The following GOPC variants were observed in gnomAD, a reference collection of about 807,000 sequenced individuals.
GOPC encodes the protein golgi associated PDZ and coiled-coil motif containing.
A neutral mutation model predicts 51.2 loss-of-function variants in GOPC; 32 were observed. The observed-to-expected ratio is 0.63, with a 90% CI of 0.47 to 0.84. The LOEUF (loss-of-function observed/expected upper bound fraction) is 0.84, where lower values mean the gene tolerates loss of function less well. Among genes scored for constraint, GOPC ranks in the 40% least tolerant of loss-of-function variants. The pLI is 0.00. For synonymous variants in GOPC, 190 were observed against 205.1 expected (o/e 0.93, Z 0.63); for missense variants, 441 against 555.5 (o/e 0.79, Z 2.07).
At chr6:117,563,415 C>T in intron 8 of GOPC, 31 bp from the exon 9 acceptor site, 1 of 1,609,558 alleles carries the variant, frequency 6.2e-7, no homozygotes, top group Non-Finnish European at 8.5e-7. Context: ...AAAGCAGACA[C>T]TTTCTGGTTT....
chr6:117,587,840 T>C (rs781772636), intron 1 of GOPC, among the ~76,000 whole-genome samples: 1 of 151,996 alleles, frequency 6.6e-6, no homozygotes, highest in Non-Finnish European at 1.5e-5. Flanking sequence ...TTTGCTGCTA[T>C]GCACTTGTAG....
rs568822030 is a variant in GOPC, at chr6:117,566,905, TACC to T, written c.1204_1206del (p.Gly402del). 107 of 1,607,592 alleles carry T rather than the reference TACC, an allele frequency of 6.7e-5. No homozygotes were observed. The highest frequency in any genetic ancestry group is 9.0e-5 in the Non-Finnish European group (106 of 1,177,362). On this transcript the variant is annotated inframe_deletion, in exon 8 of 9. Transcript: ENST00000368498. ...GTGTCTTTGCAACTAGCACCAGGGT[TACC>T]ACCTCCTTCTAACTCATCAAGGTAC...
intron 1 of GOPC, among the ~76,000 whole-genome samples, chr6:117,598,604 G>A (rs1465001731): frequency 6.6e-6 from 1 of 152,106 alleles, no homozygotes; most frequent in Non-Finnish European, 1.5e-5. Flanking sequence ...CAGATACCTC[G>A]CATGTGCAGT....
chr6:117,568,999 T>C (rs1313380019), intron 7 of GOPC, among the ~76,000 whole-genome samples: 3 of 152,210 alleles, frequency 2.0e-5, no homozygotes, highest in Non-Finnish European at 4.4e-5. Context: ...ACATTTTAAG[T>C]ACAACTGTAT....
chr6:117,599,327 C>A (rs1397453517), intron 1 of GOPC, among the ~76,000 whole-genome samples: 1 of 152,124 alleles, frequency 6.6e-6, no homozygotes, highest in Admixed American at 6.5e-5. Context: ...CAAATTCAAT[C>A]CTTTTCCTAA....
intron 2 of GOPC, among the ~76,000 whole-genome samples, chr6:117,578,417 G>A (rs918642790): frequency 2.0e-5 from 3 of 152,070 alleles, no homozygotes; most frequent in African/African-American, 7.2e-5. Context: ...CCTGAGGATG[G>A]AAACCATAAG....
chr6:117,565,187 G>T (rs548348702), intron 8 of GOPC, among the ~76,000 whole-genome samples: 17 of 152,258 alleles, frequency 1.1e-4, no homozygotes, highest in African/African-American at 3.9e-4. Flanking sequence ...ATTCTAGTTA[G>T]AAGAGTAGCA....
chr6:117,569,712 T>C lies in GOPC; in HGVS notation c.937A>G (p.Ile313Val), dbSNP rs772757238. The C allele has an allele frequency of 1.2e-5, 19 of 1,602,854 alleles. No homozygotes were observed. Among genetic ancestry groups the C allele is most frequent in the Admixed American group, 7.0e-5 (4 of 57,046 alleles). The change falls in exon 7 of 9, where the codon ATC (isoleucine) becomes GTC (valine). Residue 313 changes from isoleucine to valine, a missense_variant. Around this residue, in one of 3 missense-constraint regions of GOPC, gnomAD observed 166 missense variants for 267.0 expected, o/e 0.62. Transcript: ENST00000368498. ...ITGGKEHGVP[I>V]LISEIHPGQP... is the part of the protein sequence containing the mutation. ...CCCGGATGGATCTCAGAGATGAGGA[T>C]TGGAACACCATGTTCTTTCCCACCC...
rs185709449 is a variant in GOPC at position 117,595,287 on chromosome 6, A to G, written c.285+6717T>C. On this transcript the variant is annotated intron_variant, in intron 1 of 8. Transcript: ENST00000368498. ...TACATAGAAGGTGGCTTCCAGAGAT[A>G]ACTGCTTAGGTCAAAAGGGAGTGCC... Among the ~76,000 whole-genome samples, 149 of 152,302 alleles carry G rather than the reference A, an allele frequency of 9.8e-4. 2 individuals carry two copies. Among genetic ancestry groups the G allele is most frequent in the Non-Finnish European group, 9.6e-4 (65 of 68,010 alleles).
At chr6:117,593,021 G>GT (rs2114627197) in intron 1 of GOPC, among the ~76,000 whole-genome samples, 1 of 152,238 alleles carries the variant, frequency 6.6e-6, no homozygotes, top group African/African-American at 2.4e-5. Flanking sequence ...TACTGTGCCT[G>GT]TACCTAAACA....
At chr6:117,567,143 G>T in intron 7 of GOPC, 109 bp from the exon 8 acceptor site, 2 of 654,784 alleles carry the variant, frequency 3.1e-6, no homozygotes, top group Non-Finnish European at 4.8e-6. Context: ...CTAAGAGATA[G>T]CTGATTTCCA....
chr6:117,577,833 A>T (rs1779905026), intron 2 of GOPC, among the ~76,000 whole-genome samples: 1 of 152,012 alleles, frequency 6.6e-6, no homozygotes, highest in African/African-American at 2.4e-5. Context: ...GTTAAATAAA[A>T]CCCTTCTAAC....
chr6:117,574,781 C>T (rs939595948), intron 4 of GOPC, among the ~76,000 whole-genome samples: 29 of 152,188 alleles, frequency 1.9e-4, no homozygotes, highest in African/African-American at 6.7e-4. Context: ...GCTTCATTTA[C>T]CATAAGAAAA....
chr6:117,580,013 G>C lies in GOPC; in HGVS notation c.286-949C>G, dbSNP rs12180706. ...CAGTCCCAAGGAATTCAAACTAAAG[G>C]AAGGCTTAAAGAAGGGAAGTAAGAA... On this transcript the variant is annotated intron_variant, in intron 1 of 8. Coordinates refer to ENST00000368498, the MANE Select transcript of GOPC (RefSeq NM_020399.4). 7.7e-3 allele frequency among the ~76,000 whole-genome samples: 1,169 copies of C among 152,078 alleles called. 21 individuals carry two copies. The highest frequency in any genetic ancestry group is 0.025 in the African/African-American group (1,049 of 41,498).
intron 6 of GOPC, among the ~76,000 whole-genome samples, chr6:117,570,028 G>A (rs1406540054): frequency 6.6e-6 from 1 of 151,788 alleles, no homozygotes; most frequent in East Asian, 1.9e-4. Context: ...AATTATTTTA[G>A]GTGCCACAAA....
chr6:117,563,165 C>T lies in GOPC; in HGVS notation c.*89G>A. 1.6e-6 allele frequency: 2 copies of T among 1,249,690 alleles called. No homozygotes were observed. The highest frequency in any genetic ancestry group is 2.3e-6 in the Non-Finnish European group (2 of 875,446). 77.4% of individuals were successfully genotyped at this position (1,249,690 alleles called of 1,614,324 possible). A position where few individuals can be genotyped will look rare whatever the true frequency, so the allele number is the denominator to read the frequency against. ...TTCATTTAGGCAACAAACAGCCTCC[C>T]CTGATTTTGTAGTCTTTGTCACCAT... On this transcript the variant is annotated 3_prime_UTR_variant, in exon 9 of 9. Coordinates refer to ENST00000368498, the MANE Select transcript of GOPC (RefSeq NM_020399.4).
chr6:117,578,839 A>G lies in GOPC; in HGVS notation c.450+61T>C, dbSNP rs545322351. 11 of 1,143,748 alleles carry G rather than the reference A, an allele frequency of 9.6e-6. No individual in the cohort carries two copies. In the South Asian group the frequency reaches 2.4e-4, roughly 25 times the overall value. The allele number at this position is 1,143,748 out of a possible 1,614,324, so 70.8% of individuals were successfully genotyped here. A position where few individuals can be genotyped will look rare whatever the true frequency, so the allele number is the denominator to read the frequency against. On this transcript the variant is annotated intron_variant, in intron 2 of 8. Transcript: ENST00000368498. ...TTTTATAATTTAAAAGTCTCATTCAAAATTGTCCTGTACACCCTGTAAAAT... is the reference window on the plus strand; with the variant it reads ...TTTTATAATTTAAAAGTCTCATTCAGAATTGTCCTGTACACCCTGTAAAAT...
At chr6:117,569,236 A>T (rs745610171) in intron 7 of GOPC, among the ~76,000 whole-genome samples, 4 of 152,122 alleles carry the variant, frequency 2.6e-5, no homozygotes, top group Non-Finnish European at 5.9e-5. Context: ...GGCATTAAGG[A>T]TGTTGTTTTT....
intron 1 of GOPC, among the ~76,000 whole-genome samples, chr6:117,601,415 G>A (rs1333763174): frequency 1.3e-5 from 2 of 152,112 alleles, no homozygotes; most frequent in African/African-American, 2.4e-5. Context: ...AATAATTGCA[G>A]GGAGCTCTCT....
Sources: allele counts gnomAD v4.1 joint callset (sites outside exome capture counted in the v4.1 genomes callset), GRCh38; gene constraint gnomAD v4.1.1; regional missense constraint gnomAD v4.1.1; transcripts MANE v1.5; gene names NCBI Gene and HGNC (gene_info 2026-07-23, HGNC 2026-07-21).